IL1RAPL2: variants seen among roughly 807,000 people sequenced by gnomAD.
IL1RAPL2 encodes interleukin 1 receptor accessory protein like 2.
IL1RAPL2 carries 3 observed loss-of-function variants against 44.1 expected under a neutral mutation model. That is an observed-to-expected ratio of 0.07 (90% confidence interval 0.03 to 0.18). IL1RAPL2 has a LOEUF of 0.18. Ranked by LOEUF, IL1RAPL2 falls within the 10% of genes least tolerant of loss-of-function variation. IL1RAPL2 has a pLI of 1.00. For synonymous variants in IL1RAPL2, 181 were observed against 178.8 expected (o/e 1.01, Z -0.10); for missense variants, 391 against 496.4 (o/e 0.79, Z 2.02).
At chrX:105,000,730 G>A (rs1156827311) in intron 2 of IL1RAPL2, among the ~76,000 whole-genome samples, 1 of 111,573 alleles carries the variant, frequency 9.0e-6, no homozygotes, top group Non-Finnish European at 1.9e-5. Context: ...AAAAATTAAA[G>A]GTTACATTAA....
At chrX:104,814,402 T>C (rs1921080243) in intron 2 of IL1RAPL2, among the ~76,000 whole-genome samples, 1 of 112,280 alleles carries the variant, frequency 8.9e-6, no homozygotes, top group African/African-American at 3.2e-5. Flanking sequence ...TTAGTATTTA[T>C]TGATTTTGTT....
At chrX:105,396,215 C>T (rs1294383084) in intron 5 of IL1RAPL2, among the ~76,000 whole-genome samples, 5 of 109,706 alleles carry the variant, frequency 4.6e-5, no homozygotes, top group Admixed American at 1.9e-4. Flanking sequence ...TGTTACCATT[C>T]GGATGCACAG....
At chrX:104,856,102 T>A (rs756218031) in intron 2 of IL1RAPL2, among the ~76,000 whole-genome samples, 1 of 111,854 alleles carries the variant, frequency 8.9e-6, no homozygotes, top group South Asian at 3.8e-4. Flanking sequence ...AGCATGGTAA[T>A]GTAATTAGTG....
intron 2 of IL1RAPL2, among the ~76,000 whole-genome samples, chrX:104,928,489 A>G (rs1034516995): frequency 5.4e-5 from 6 of 111,422 alleles, no homozygotes; most frequent in African/African-American, 2.0e-4. Flanking sequence ...TGTGGGAGCC[A>G]TGTTGTTTCT....
chrX:104,762,593 C>T (rs755964128), intron 2 of IL1RAPL2, among the ~76,000 whole-genome samples: 4 of 112,722 alleles, frequency 3.5e-5, no homozygotes, highest in Non-Finnish European at 7.5e-5. Context: ...CAGCTCTGAC[C>T]CCACATTTCC....
chrX:104,967,455 A>C (rs1032386779), intron 2 of IL1RAPL2, among the ~76,000 whole-genome samples: 4 of 111,400 alleles, frequency 3.6e-5, no homozygotes, highest in African/African-American at 1.3e-4. Context: ...AAAAAATAAA[A>C]GGTTATAAAT....
rs150089049 is a variant in IL1RAPL2, at chrX:105,170,677, C to T, written c.83-24798C>T. On this transcript the variant is annotated intron_variant, in intron 2 of 10. Coordinates refer to ENST00000372582, the MANE Select transcript of IL1RAPL2 (RefSeq NM_017416.2). ...GTAGTAAGTGGACCTAGTTCCAGCA[C>T]CCAAGTCCTTAACCCCATGCTATAC... 4.7e-3 allele frequency among the ~76,000 whole-genome samples: 527 copies of T among 111,853 alleles called. 6 individuals are homozygous for T. Among genetic ancestry groups the T allele is most frequent in the African/African-American group, 0.016 (486 of 30,774 alleles).
chrX:105,447,710 TA>T lies in IL1RAPL2; in HGVS notation c.698-36598del, dbSNP rs1183997120. ...AAAATATAAATATATATAAATATATTAAAAATATAAATATATAAATGTATAT... is the reference window on the plus strand; with the variant it reads ...AAAATATAAATATATATAAATATATTAAAATATAAATATATAAATGTATAT... On this transcript the variant is annotated intron_variant, in intron 5 of 10. Transcript: ENST00000372582. Among the ~76,000 whole-genome samples, 4 of 83,554 alleles carry T rather than the reference TA, an allele frequency of 4.8e-5. No individual in the cohort carries two copies. The South Asian group carries it at 2.4e-3, about 50-fold the overall frequency. The allele number at this position is 83,554 out of a possible 115,157, so 72.6% of individuals were successfully genotyped here. A position where few individuals can be genotyped will look rare whatever the true frequency, so the allele number is the denominator to read the frequency against.
intron 5 of IL1RAPL2, among the ~76,000 whole-genome samples, chrX:105,420,983 C>G (rs747280862): frequency 5.4e-5 from 6 of 111,948 alleles, no homozygotes; most frequent in Non-Finnish European, 1.1e-4. Context: ...AAATCTAAGA[C>G]AGGTCTCAGT....
At chrX:105,246,551 G>A (rs746799734) in intron 4 of IL1RAPL2, among the ~76,000 whole-genome samples, 2 of 111,701 alleles carry the variant, frequency 1.8e-5, no homozygotes, top group East Asian at 2.9e-4. Flanking sequence ...GGAGAGGTAA[G>A]GAATAGGAGT....
chrX:105,660,724 G>C (rs1020215600), intron 6 of IL1RAPL2, among the ~76,000 whole-genome samples: 4 of 109,843 alleles, frequency 3.6e-5, no homozygotes, highest in African/African-American at 9.9e-5. Flanking sequence ...TAAATAACAG[G>C]GTATAAGATA....
At chrX:104,609,915 TGGA>T (rs1192324779) in intron 1 of IL1RAPL2, among the ~76,000 whole-genome samples, 1 of 111,671 alleles carries the variant, frequency 9.0e-6, no homozygotes, top group East Asian at 2.8e-4. Flanking sequence ...TGTGATCCTT[TGGA>T]GGAGAAGAGG....
intron 2 of IL1RAPL2, among the ~76,000 whole-genome samples, chrX:104,733,050 C>G (rs1209352472): frequency 9.0e-6 from 1 of 111,124 alleles, no homozygotes; most frequent in Non-Finnish European, 1.9e-5. Flanking sequence ...ATTAAAAAAG[C>G]ACTTAATATA....
At chrX:104,619,906 G>T (rs1249023672) in intron 1 of IL1RAPL2, among the ~76,000 whole-genome samples, 1 of 111,881 alleles carries the variant, frequency 8.9e-6, no homozygotes, top group Non-Finnish European at 1.9e-5. Context: ...CAAATCAGAG[G>T]AAACGCTCTG....
intron 2 of IL1RAPL2, among the ~76,000 whole-genome samples, chrX:104,814,732 G>T (rs1035499439): frequency 1.8e-5 from 2 of 112,195 alleles, no homozygotes; most frequent in African/African-American, 6.5e-5. Context: ...ATTTCTTTGT[G>T]TCAAATTCTG....
chrX:104,594,989 C>T (rs1474027212), intron 1 of IL1RAPL2, among the ~76,000 whole-genome samples: 1 of 111,824 alleles, frequency 8.9e-6, no homozygotes, highest in Non-Finnish European at 1.9e-5. Flanking sequence ...TAGAGTGTAT[C>T]CTAATGGGAA....
intron 5 of IL1RAPL2, among the ~76,000 whole-genome samples, chrX:105,409,741 G>A (rs1265515410): frequency 4.5e-5 from 5 of 110,006 alleles, no homozygotes; most frequent in African/African-American, 1.7e-4. Flanking sequence ...GAAGCTTAGT[G>A]GGAGAAGTAG....
intron 1 of IL1RAPL2, among the ~76,000 whole-genome samples, chrX:104,653,749 T>C (rs1389768561): frequency 9.0e-6 from 1 of 111,475 alleles, no homozygotes; most frequent in Non-Finnish European, 1.9e-5. Context: ...TGGGTAAGGC[T>C]CTATACCTTT....
Position 105,225,694 on chromosome X carries a change from A to ATTTTTT in IL1RAPL2, c.357-8120_357-8115dup, listed in dbSNP as rs146344873. Among the ~76,000 whole-genome samples the ATTTTTT allele has an allele frequency of 7.5e-5, 8 of 106,237 alleles. 1 individual carries two copies. Among genetic ancestry groups the ATTTTTT allele is most frequent in the Admixed American group, 6.2e-4 (6 of 9,738 alleles). 92.3% of individuals were successfully genotyped at this position (106,237 alleles called of 115,157 possible). A position where few individuals can be genotyped will look rare whatever the true frequency, so the allele number is the denominator to read the frequency against. On this transcript the variant is annotated intron_variant, in intron 3 of 10. Transcript: ENST00000372582. ...ATTTTATTTTATTTTATTTTATTTT[A>ATTTTTT]TTTTTTTTTCTGAGACAGAGTCTCC... is the stretch of plus-strand genomic sequence containing the variant.
Sources: allele counts gnomAD v4.1 joint callset (sites outside exome capture counted in the v4.1 genomes callset), GRCh38; gene constraint gnomAD v4.1.1; transcripts MANE v1.5; gene names NCBI Gene and HGNC (gene_info 2026-07-23, HGNC 2026-07-21).